TLK2: variants seen among roughly 807,000 people sequenced by gnomAD.
TLK2 encodes tousled like kinase 2, also known as serine/threonine-protein kinase tousled-like 2.
TLK2 carries 6 observed loss-of-function variants against 117.3 expected under a neutral mutation model. The ratio of observed to expected loss-of-function variants is 0.05; its 90% CI spans 0.03 to 0.10. TLK2 has a LOEUF of 0.10. TLK2 is among the 10% of genes least tolerant of loss of function. The pLI is 1.00. For synonymous variants in TLK2, 257 were observed against 316.7 expected, an observed-to-expected ratio of 0.81 and a Z score of 2.00; for missense variants, 299 against 901.2, an observed-to-expected ratio of 0.33 and a Z score of 8.56.
chr17:62,534,371 C>T (rs528806260), intron 6 of TLK2, among the ~76,000 whole-genome samples: 58 of 152,172 alleles, frequency 3.8e-4, no homozygotes, highest in African/African-American at 1.3e-3. Flanking sequence ...ATGATATTAC[C>T]GTTTAACTTA....
intron 11 of TLK2, among the ~76,000 whole-genome samples, chr17:62,569,965 T>A (rs1033842607): frequency 2.0e-5 from 3 of 152,156 alleles, no homozygotes; most frequent in Non-Finnish European, 4.4e-5. Context: ...TTTCTTTGCC[T>A]CTTCAGCAGT....
At chr17:62,577,623 C>A (rs2080905931) in intron 13 of TLK2, among the ~76,000 whole-genome samples, 1 of 152,146 alleles carries the variant, frequency 6.6e-6, no homozygotes, top group South Asian at 2.1e-4. Context: ...ATACATTGGT[C>A]GATGCTCTTT....
intron 12 of TLK2, 56 bp from the exon 13 acceptor site, chr17:62,576,650 TTAA>T (rs2146686884): frequency 3.0e-6 from 4 of 1,348,854 alleles, no homozygotes; most frequent in African/African-American, 1.4e-5. Flanking sequence ...GCATTTCTCT[TTAA>T]ACAGGCAAAC....
At position 62,600,699 on chromosome 17, in the gene TLK2, C is replaced by T; in HGVS notation, c.1599C>T (p.Tyr533=). The change falls in exon 18 of 22, where the codon TAC becomes TAT. Residue 533 remains tyrosine (Y), a synonymous_variant. Coordinates refer to ENST00000346027, the MANE Select transcript of TLK2 (RefSeq NM_006852.6). ...EYCEGNDLDF[Y]LKQHKLMSEK... is the part of the protein sequence containing the mutation. ...GTGAGGGAAATGATCTGGACTTCTA[C>T]CTGAAACAGCACAAATTAATGTCGG... is the stretch of plus-strand genomic sequence containing the variant. The T allele has an allele frequency of 6.2e-7, 1 of 1,612,434 alleles. No individual in the cohort carries two copies. Among genetic ancestry groups the T allele is most frequent in the Non-Finnish European group, 8.5e-7 (1 of 1,179,784 alleles).
intron 2 of TLK2, among the ~76,000 whole-genome samples, chr17:62,501,545 C>T (rs1014384324): frequency 2.7e-5 from 4 of 150,070 alleles, no homozygotes; most frequent in Admixed American, 1.3e-4. Flanking sequence ...CCAGCCTGGG[C>T]AATATAGCAA....
chr17:62,546,104 A>T (rs548339663), intron 7 of TLK2, among the ~76,000 whole-genome samples: 1 of 151,446 alleles, frequency 6.6e-6, no homozygotes, highest in Admixed American at 6.6e-5. Flanking sequence ...CTGGTCTTGA[A>T]CTCCTGACCT....
At chr17:62,476,561 C>A (rs551679416), upstream of TLK2, among the ~76,000 whole-genome samples, 1 of 150,562 alleles carries the variant, frequency 6.6e-6, no homozygotes, top group Non-Finnish European at 1.5e-5. Flanking sequence ...TCAGCCCGGG[C>A]GACAGTGTGA....
chr17:62,580,306 A>G (rs1422410352), intron 15 of TLK2, 114 bp downstream of exon 15: 15 of 678,510 alleles, frequency 2.2e-5, no homozygotes, highest in Non-Finnish European at 3.4e-5. Flanking sequence ...GTTGAAATTC[A>G]AAAACTTTAA....
chr17:62,591,369 A>C (rs2082069122), intron 16 of TLK2, among the ~76,000 whole-genome samples: 3 of 152,252 alleles, frequency 2.0e-5, no homozygotes, highest in South Asian at 4.1e-4. Flanking sequence ...AAAAAAAAAA[A>C]AACCAGCGTG....
chr17:62,548,240 A>ATGTG (rs59375141), intron 7 of TLK2, among the ~76,000 whole-genome samples: 6,373 of 121,206 alleles, frequency 0.053, 598 homozygotes, highest in African/African-American at 0.18. Context: ...ATATATATAT[A>ATGTG]TGTGTGTGTG....
Position 62,572,304 on chromosome 17 carries a change from G to A in TLK2, c.969-911G>A, listed in dbSNP as rs72835247. On this transcript the variant is annotated intron_variant, in intron 11 of 21. Transcript: ENST00000346027. ...CTATCATTTGATTGTCAATTATAGT[G>A]GGTGACTTAAAGACTAACCTGTTAG... 9.0e-3 allele frequency among the ~76,000 whole-genome samples: 1,368 copies of A among 152,206 alleles called. 7 individuals carry two copies. The highest frequency in any genetic ancestry group is 0.014 in the Middle Eastern group (4 of 294).
chr17:62,548,886 G>A (rs759592438), intron 7 of TLK2, among the ~76,000 whole-genome samples: 111 of 150,140 alleles, frequency 7.4e-4, no homozygotes, highest in Non-Finnish European at 1.5e-3. Flanking sequence ...ATAGGCACCC[G>A]CCCCCACGCC....
At chr17:62,503,690 A>T (rs1409876354) in intron 2 of TLK2, among the ~76,000 whole-genome samples, 6 of 149,978 alleles carry the variant, frequency 4.0e-5, no homozygotes, top group African/African-American at 1.5e-4. Context: ...AAGTGCTGGG[A>T]TTACAGGCAT....
chr17:62,507,948 G>C (rs1374771320), intron 2 of TLK2, among the ~76,000 whole-genome samples: 1 of 151,838 alleles, frequency 6.6e-6, no homozygotes, highest in Non-Finnish European at 1.5e-5. Flanking sequence ...CAAGAAACTT[G>C]ACTCTTGTTC....
exon 1 of TLK2, chr17:62,471,049 C>T (rs1204032264): frequency 6.6e-6 from 1 of 152,270 alleles, no homozygotes; most frequent in Non-Finnish European, 1.5e-5. Flanking sequence ...CACAGATGGT[C>T]TCATTTGGCC....
At chr17:62,537,244 G>A (rs905536025) in intron 7 of TLK2, among the ~76,000 whole-genome samples, 11 of 152,206 alleles carry the variant, frequency 7.2e-5, no homozygotes, top group African/African-American at 2.4e-4. Flanking sequence ...GAAAATGGTG[G>A]TTGTCTTAAG....
chr17:62,527,890 G>A (rs140007400), intron 6 of TLK2, among the ~76,000 whole-genome samples: 23 of 151,840 alleles, frequency 1.5e-4, no homozygotes, highest in Non-Finnish European at 3.4e-4. Context: ...CTACAGACAC[G>A]CGCCACCACG....
In TLK2 at chr17:62,613,666, A is replaced by C. The variant is rs945400061; in HGVS notation, c.*1101A>C. 6.6e-6 allele frequency: 1 copy of C among 152,152 alleles called. No individual in the cohort carries two copies. The highest frequency in any genetic ancestry group is 2.4e-5 in the African/African-American group (1 of 41,414). 9.4% of individuals were successfully genotyped at this position (152,152 alleles called of 1,614,324 possible). On this transcript the variant is annotated 3_prime_UTR_variant, in exon 22 of 22. Transcript: ENST00000346027. ...GTTATTAAAACTTGATCAGCACATA[A>C]GCTTTCTTCTGTTAGATCTTTTGGC... is the stretch of plus-strand genomic sequence containing the variant.
intron 2 of TLK2, among the ~76,000 whole-genome samples, chr17:62,501,099 G>A (rs891971613): frequency 2.0e-5 from 3 of 152,218 alleles, no homozygotes; most frequent in Non-Finnish European, 2.9e-5. Flanking sequence ...TTAGCCGGGC[G>A]TGGTGGCAGG....
Sources: gnomAD v4.1 joint callset for allele counts (sites outside exome capture counted in the v4.1 genomes callset) on GRCh38, gnomAD v4.1.1 for gene constraint, MANE v1.5 for transcripts, NCBI Gene and HGNC (gene_info 2026-07-23, HGNC 2026-07-21) for gene names.